Variants in PRH1 observed in about 807,000 individuals in gnomAD.
PRH1 encodes salivary acidic proline-rich phosphoprotein 1/2.
A neutral mutation model predicts 7.9 loss-of-function variants in PRH1; 7 were observed. The observed-to-expected ratio is 0.89, with a 90% CI of 0.50 to 1.67. The LOEUF (loss-of-function observed/expected upper bound fraction) is 1.67. Among genes scored for constraint, PRH1 ranks in the 40% most tolerant of loss-of-function variants. The probability of loss-of-function intolerance (pLI) is 0.00; values close to 1 mark genes in which losing one functional copy is unlikely to be tolerated. For missense variants in PRH1, 109 were observed against 223.6 expected, an observed-to-expected ratio of 0.49 and a Z score of 3.27; for synonymous variants, 45 against 80.8, an observed-to-expected ratio of 0.56 and a Z score of 2.38.
intron 1 of PRH1, among the ~76,000 whole-genome samples, chr12:11,037,632 T>C (rs192597413): frequency 1.5e-3 from 228 of 152,314 alleles, no homozygotes; most frequent in Non-Finnish European, 1.5e-3. Context: ...AAATTGGAAA[T>C]AAAAAGTGTC....
intron 1 of PRH1, among the ~76,000 whole-genome samples, chr12:11,125,818 CTGA>C (rs1946103532): frequency 6.6e-6 from 1 of 152,194 alleles, no homozygotes; most frequent in Non-Finnish European, 1.5e-5. Context: ...TGTGCAAAAT[CTGA>C]TGTTTCAAAA....
At chr12:11,023,206 C>T (rs1021928201) in intron 1 of PRH1, among the ~76,000 whole-genome samples, 16 of 152,126 alleles carry the variant, frequency 1.1e-4, no homozygotes, top group African/African-American at 3.4e-4. Context: ...ATTGATATGA[C>T]ATCATTGTTA....
intron 2 of PRH1, among the ~76,000 whole-genome samples, chr12:10,914,902 G>T (rs1323501053): frequency 6.6e-6 from 1 of 152,186 alleles, no homozygotes; most frequent in Non-Finnish European, 1.5e-5. Flanking sequence ...GCTAAGGCAG[G>T]TGCATCACAA....
chr12:11,068,458 A>G (rs1037138953), intron 1 of PRH1, among the ~76,000 whole-genome samples: 1 of 152,196 alleles, frequency 6.6e-6, no homozygotes, highest in East Asian at 1.9e-4. Flanking sequence ...TGTCTAGTTC[A>G]TTAATTTTGA....
In PRH1 at chr12:11,171,137, T is replaced by C. The variant is rs79098309; in HGVS notation, n.39+285A>G. ...CACCTACCATCAGTTGAGCTCTAAA[T>C]GGTAAATGCCACAGTGAGAAGCAGA... On this transcript the variant is annotated intron_variant and non_coding_transcript_variant, in intron 1 of 1. Coordinates refer to the PRH1 transcript ENST00000541175. The C allele has an allele frequency of 1.9e-3, 733 of 393,634 alleles. 2 individuals carry two copies. Among genetic ancestry groups the C allele is most frequent in the African/African-American group, 0.014 (666 of 48,576 alleles). The allele number at this position is 393,634 out of a possible 1,614,324, so 24.4% of individuals were successfully genotyped here. A position where few individuals can be genotyped will look rare whatever the true frequency, so the allele number is the denominator to read the frequency against.
At chr12:11,125,004 A>G (rs1273673202) in intron 1 of PRH1, among the ~76,000 whole-genome samples, 1 of 152,028 alleles carries the variant, frequency 6.6e-6, no homozygotes, top group Non-Finnish European at 1.5e-5. Context: ...CATCACGCCC[A>G]GCTAATTTTT....
At chr12:10,892,590 T>C (rs1199782272) in intron 2 of PRH1, among the ~76,000 whole-genome samples, 1 of 151,966 alleles carries the variant, frequency 6.6e-6, no homozygotes, top group Non-Finnish European at 1.5e-5. Context: ...CTTAGCAAAA[T>C]TGCTAAAATC....
intron 1 of PRH1, among the ~76,000 whole-genome samples, chr12:11,057,078 C>A (rs995432134): frequency 6.6e-6 from 1 of 152,028 alleles, no homozygotes; most frequent in Non-Finnish European, 1.5e-5. Context: ...AGGATCATAG[C>A]CCACTACAGC....
chr12:11,070,291 A>G (rs1349839359), intron 1 of PRH1, among the ~76,000 whole-genome samples: 1 of 152,184 alleles, frequency 6.6e-6, no homozygotes, highest in African/African-American at 2.4e-5. Context: ...GCATTCCACC[A>G]AAAAAGGGAA....
At chr12:11,006,882 CTGTT>C in intron 1 of PRH1, among the ~76,000 whole-genome samples, 1 of 152,168 alleles carries the variant, frequency 6.6e-6, no homozygotes, top group African/African-American at 2.4e-5. Context: ...ATTCCACTGT[CTGTT>C]CTTGCTATAC....
At chr12:10,996,356 TAAAA>T (rs578073387) in intron 1 of PRH1, 1 of 144,372 alleles carries the variant, frequency 6.9e-6, no homozygotes, top group Non-Finnish European at 1.5e-5. Context: ...AATTCATGAT[TAAAA>T]AAAAAACAAA....
At chr12:11,019,890 G>A (rs531241174) in intron 1 of PRH1, among the ~76,000 whole-genome samples, 45 of 152,398 alleles carry the variant, frequency 3.0e-4, no homozygotes, top group Admixed American at 1.6e-3. Flanking sequence ...TGCTAGCCCC[G>A]AGCAGCTGGC....
chr12:10,932,188 T>A, intron 2 of PRH1: 3 of 429,150 alleles, frequency 7.0e-6, no homozygotes, highest in Middle Eastern at 6.7e-4. Context: ...TTTCCTGCCA[T>A]GTCAAGTCTT....
chr12:11,107,437 G>T (rs1484489404), intron 1 of PRH1, among the ~76,000 whole-genome samples: 1 of 152,182 alleles, frequency 6.6e-6, no homozygotes, highest in Admixed American at 6.5e-5. Context: ...AGAATGACCA[G>T]CTGAACTGAA....
intron 1 of PRH1, among the ~76,000 whole-genome samples, chr12:11,033,671 C>G (rs888837151): frequency 1.4e-4 from 21 of 152,094 alleles, no homozygotes; most frequent in African/African-American, 4.8e-4. Flanking sequence ...CAAATTTCCT[C>G]ATGTTGCAAC....
chr12:10,892,775 T>A (rs980152195), intron 2 of PRH1, among the ~76,000 whole-genome samples: 1 of 152,172 alleles, frequency 6.6e-6, no homozygotes, highest in African/African-American at 2.4e-5. Context: ...ATACTCTAAT[T>A]TTTAAAAATG....
intron 1 of PRH1, among the ~76,000 whole-genome samples, chr12:10,990,457 A>G (rs757009777): frequency 8.5e-5 from 13 of 152,232 alleles, no homozygotes; most frequent in Non-Finnish European, 1.6e-4. Flanking sequence ...AAATTACACA[A>G]AGTCCAGTGT....
chr12:10,892,347 C>T (rs964120821), intron 2 of PRH1, among the ~76,000 whole-genome samples: 1 of 152,134 alleles, frequency 6.6e-6, no homozygotes, highest in Non-Finnish European at 1.5e-5. Flanking sequence ...CTGGACAGAA[C>T]TAAATCCATC....
At chr12:11,105,790 A>T (rs1289355653) in intron 1 of PRH1, among the ~76,000 whole-genome samples, 2 of 152,198 alleles carry the variant, frequency 1.3e-5, no homozygotes, top group Admixed American at 6.5e-5. Context: ...ATCATCACCA[A>T]AGTAAATTTA....
Sources: allele counts gnomAD v4.1 joint callset (sites outside exome capture counted in the v4.1 genomes callset), GRCh38; gene constraint gnomAD v4.1.1; transcripts MANE v1.5; gene names NCBI Gene and HGNC (gene_info 2026-07-23, HGNC 2026-07-21).